The following ZC3H18 variants were observed in gnomAD, a reference collection of about 807,000 sequenced individuals.
ZC3H18 encodes zinc finger CCCH domain-containing protein 18.
Under a neutral mutation model 106.1 loss-of-function variants are expected in ZC3H18, and 8 were observed. The observed-to-expected ratio is 0.08, with a 90% CI of 0.04 to 0.14. The LOEUF is 0.14. Among genes scored for constraint, ZC3H18 ranks in the 10% least tolerant of loss-of-function variants. The pLI is 1.00. For synonymous variants in ZC3H18, 635 were observed against 522.1 expected (o/e 1.22, Z -2.95); for missense variants, 1,318 against 1,278.4 (o/e 1.03, Z -0.47).
In ZC3H18 at chr16:88,591,312, C is replaced by T. The variant is rs148235006; in HGVS notation, c.688+4628C>T. Among the ~76,000 whole-genome samples, 19 of 151,902 alleles carry T rather than the reference C, an allele frequency of 1.3e-4. No homozygotes were observed. In the East Asian group the frequency reaches 3.8e-3, roughly 30 times the overall value. On this transcript the variant is annotated intron_variant, in intron 3 of 17. Coordinates refer to ENST00000301011, the MANE Select transcript of ZC3H18 (RefSeq NM_144604.4). ...TGAATAATAGGTGCGGTGGCTGATG[C>T]CTGTAATCATAGCACTTTGGGAGGC...
chr16:88,571,670 C>T (rs1191061828), intron 1 of ZC3H18: 1 of 985,300 alleles, frequency 1.0e-6, no homozygotes, highest in Non-Finnish European at 1.2e-6. Flanking sequence ...AGAAAGCAAA[C>T]AGGTAAGTTA....
intron 12 of ZC3H18, 88 bp from the exon 13 acceptor site, chr16:88,625,114 C>T: frequency 2.7e-6 from 4 of 1,466,764 alleles, no homozygotes; most frequent in Non-Finnish European, 2.8e-6. Flanking sequence ...TCTGGAGGCT[C>T]ACCTCACAGG....
chr16:88,582,014 G>C (rs540300261), intron 2 of ZC3H18, among the ~76,000 whole-genome samples: 24 of 152,144 alleles, frequency 1.6e-4, no homozygotes, highest in Non-Finnish European at 2.6e-4. Context: ...TTCCCATTTT[G>C]TTCCATTCTC....
chr16:88,600,942 A>G (rs1040138976), intron 6 of ZC3H18, among the ~76,000 whole-genome samples: 1 of 152,250 alleles, frequency 6.6e-6, no homozygotes, highest in African/African-American at 2.4e-5. Flanking sequence ...GGTTGCTATT[A>G]GGGAATCATA....
chr16:88,586,515 C>A, intron 2 of ZC3H18, 85 bp from the exon 3 acceptor site: 2 of 1,130,176 alleles, frequency 1.8e-6, no homozygotes, highest in Non-Finnish European at 1.3e-6. Context: ...GTTCCACACG[C>A]AGCTTCCTGC....
intron 10 of ZC3H18, chr16:88,623,690 C>G (rs1453886970): frequency 1.7e-6 from 1 of 579,662 alleles, no homozygotes; most frequent in Non-Finnish European, 2.9e-6. Flanking sequence ...GCCAAGGAGC[C>G]TGTCTCCTCC....
chr16:88,593,634 C>T (rs542427119), intron 3 of ZC3H18, among the ~76,000 whole-genome samples: 52 of 152,280 alleles, frequency 3.4e-4, no homozygotes, highest in African/African-American at 1.0e-3. Flanking sequence ...AGGGGCAGCA[C>T]GTGCAAGGCT....
rs960897989 is a variant in ZC3H18 at position 88,571,744 on chromosome 16, G to C, written c.-15+1178G>C. 6 of 925,690 alleles carry C rather than the reference G, an allele frequency of 6.5e-6. No homozygotes were observed. The Admixed American group carries it at 2.5e-4, about 38-fold the overall frequency. 57.3% of individuals were successfully genotyped at this position (925,690 alleles called of 1,614,324 possible). ...TGTCACAGCTACAGAGCATCTCAAG[G>C]TGAGTACCTCTTTATCAAGGAGTTT... On this transcript the variant is annotated intron_variant, in intron 1 of 17. Transcript: ENST00000301011.
intron 3 of ZC3H18, among the ~76,000 whole-genome samples, chr16:88,594,075 T>C (rs1268946949): frequency 3.3e-5 from 5 of 152,118 alleles, no homozygotes; most frequent in Non-Finnish European, 7.4e-5. Flanking sequence ...TGCCCCTCCC[T>C]CTCTAGCTGC....
At position 88,631,536 on chromosome 16, in the gene ZC3H18, G is replaced by C. The variant is rs866504822; in HGVS notation, c.*237G>C. ...CAGACACAGACAGCGCTAGTGACCA[G>C]CACGGTTCTCATGTAAATTACAAGC... On this transcript the variant is annotated 3_prime_UTR_variant, in exon 18 of 18. Coordinates refer to ENST00000301011, the MANE Select transcript of ZC3H18 (RefSeq NM_144604.4). The C allele has an allele frequency of 1.6e-6, 1 of 632,774 alleles. No homozygotes were observed. The highest frequency in any genetic ancestry group is 2.9e-6 in the Non-Finnish European group (1 of 345,752). The allele number at this position is 632,774 out of a possible 1,614,324, so 39.2% of individuals were successfully genotyped here.
intron 16 of ZC3H18, 123 bp downstream of exon 16, chr16:88,628,977 G>C: frequency 1.2e-6 from 1 of 834,082 alleles, no homozygotes; most frequent in East Asian, 2.6e-5. Context: ...CATCTGACTT[G>C]CAGATGATGC....
At chr16:88,604,377 T>A (rs1904907351) in intron 6 of ZC3H18, among the ~76,000 whole-genome samples, 1 of 147,030 alleles carries the variant, frequency 6.8e-6, no homozygotes, top group African/African-American at 2.5e-5. Context: ...AGTTCTCACA[T>A]ATGTAAGACA....
intron 3 of ZC3H18, 27 bp downstream of exon 3, chr16:88,586,711 C>G (rs753761398): frequency 1.0e-5 from 16 of 1,605,054 alleles, no homozygotes; most frequent in Non-Finnish European, 1.2e-5. Context: ...GAGGCCTTCT[C>G]GCAGCCAGCT....
intron 8 of ZC3H18, among the ~76,000 whole-genome samples, chr16:88,617,810 T>A (rs945158357): frequency 1.3e-5 from 2 of 152,236 alleles, no homozygotes; most frequent in Admixed American, 1.3e-4. Context: ...TGGCGGCCCA[T>A]CCAGTGGGCG....
intron 9 of ZC3H18, chr16:88,622,666 G>T: frequency 2.3e-6 from 1 of 432,126 alleles, no homozygotes; most frequent in Non-Finnish European, 4.2e-6. Flanking sequence ...GGAGGGAGGG[G>T]CACCTGGATG....
At chr16:88,580,355 G>A (rs1211800683) in intron 2 of ZC3H18, among the ~76,000 whole-genome samples, 2 of 152,114 alleles carry the variant, frequency 1.3e-5, no homozygotes, top group African/African-American at 2.4e-5. Flanking sequence ...CTTGCCCGGG[G>A]CACATTGAAG....
At chr16:88,584,387 A>G (rs1394185709) in intron 2 of ZC3H18, among the ~76,000 whole-genome samples, 2 of 150,334 alleles carry the variant, frequency 1.3e-5, no homozygotes, top group East Asian at 3.9e-4. Context: ...GTGCCACTGC[A>G]CTCCAGCCTG....
In ZC3H18 at chr16:88,608,924, C is replaced by T; in HGVS notation, c.1089-10C>T. The T allele has an allele frequency of 1.9e-6, 3 of 1,605,022 alleles. No homozygotes were observed. Among genetic ancestry groups the T allele is most frequent in the Middle Eastern group, 1.7e-4 (1 of 6,040 alleles). On this transcript the variant is annotated splice_polypyrimidine_tract_variant and intron_variant, in intron 6 of 17. Coordinates refer to ENST00000301011, the MANE Select transcript of ZC3H18 (RefSeq NM_144604.4). ...AGTGATGAGAGTTCTTTTTCATTGG[C>T]CCTTTTCAGACTCGAGCCTTACGCA...
At chr16:88,626,864 A>G (rs1277423904) in intron 13 of ZC3H18, among the ~76,000 whole-genome samples, 1 of 152,228 alleles carries the variant, frequency 6.6e-6, no homozygotes, top group African/African-American at 2.4e-5. Flanking sequence ...GTGAAGCTAC[A>G]GACCTGCTGT....
Sources: allele counts gnomAD v4.1 joint callset (sites outside exome capture counted in the v4.1 genomes callset), GRCh38; gene constraint gnomAD v4.1.1; transcripts MANE v1.5; gene names NCBI Gene and HGNC (gene_info 2026-07-23, HGNC 2026-07-21).